The following ATP11B variants were observed in gnomAD, a reference collection of about 807,000 sequenced individuals.
ATP11B encodes the protein ATPase phospholipid transporting 11B (putative).
ATP11B carries 81 observed loss-of-function variants against 157.8 expected under a neutral mutation model. The observed-to-expected ratio is 0.51, with a 90% CI of 0.43 to 0.62. ATP11B has a LOEUF of 0.62. Among genes scored for constraint, ATP11B ranks in the 20% least tolerant of loss-of-function variants. The pLI is 0.00. For missense variants in ATP11B, 1,165 were observed against 1,402.2 expected (o/e 0.83, Z 2.70); for synonymous variants, 451 against 469.4 (o/e 0.96, Z 0.51).
intron 25 of ATP11B, 28 bp downstream of exon 25, chr3:182,889,576 G>T: frequency 6.7e-7 from 1 of 1,499,498 alleles, no homozygotes; most frequent in South Asian, 1.3e-5. Flanking sequence ...TTTAAAGAAT[G>T]CTTGTTAATA....
At chr3:182,822,495 A>G (rs908889865) in intron 2 of ATP11B, among the ~76,000 whole-genome samples, 14 of 152,034 alleles carry the variant, frequency 9.2e-5, no homozygotes, top group African/African-American at 3.1e-4. Context: ...TATGTGCCAC[A>G]TTTTCTTAAT....
chr3:182,884,741 CT>C lies in ATP11B; in HGVS notation c.2510-8del. The C allele has an allele frequency of 1.9e-6, 3 of 1,583,132 alleles. No homozygotes were observed. The highest frequency in any genetic ancestry group is 2.0e-5 in the Admixed American group (1 of 49,930). Reference sequence around the variant, plus strand: ...TTATCAGTGAACATGTCTTTTGTCCCTTTTATTATAGGAATCATGGGTAAAG... The same window carrying C: ...TTATCAGTGAACATGTCTTTTGTCCCTTTATTATAGGAATCATGGGTAAAG... On this transcript the variant is annotated splice_polypyrimidine_tract_variant and intron_variant, in intron 21 of 29. Coordinates refer to ENST00000323116, the MANE Select transcript of ATP11B (RefSeq NM_014616.3).
chr3:182,810,666 A>G (rs1276909972), intron 1 of ATP11B, among the ~76,000 whole-genome samples: 4 of 152,144 alleles, frequency 2.6e-5, no homozygotes, highest in African/African-American at 9.7e-5. Flanking sequence ...TTGTGCTGCT[A>G]CTGTTGAGAA....
rs776978564 is a variant in ATP11B, at chr3:182,886,022, G to T, written c.2715+12G>T. ...TGTTTTCTCAGCAAGTAAGTAAATA[G>T]AAACTTGTGTTTTGTGTTTTGTCCT... On this transcript the variant is annotated intron_variant, in intron 23 of 29. Coordinates refer to ENST00000323116, the MANE Select transcript of ATP11B (RefSeq NM_014616.3). 7.9e-5 allele frequency: 116 copies of T among 1,472,266 alleles called. No individual in the cohort carries two copies. The highest frequency in any genetic ancestry group is 7.1e-4 in the Middle Eastern group (4 of 5,638). 91.2% of individuals were successfully genotyped at this position (1,472,266 alleles called of 1,614,324 possible).
At chr3:182,889,381 T>C in intron 24 of ATP11B, 29 bp from the exon 25 acceptor site, 1 of 1,456,854 alleles carries the variant, frequency 6.9e-7, no homozygotes, top group Non-Finnish European at 9.3e-7. Flanking sequence ...TGATCCCTAA[T>C]ATGTTTCTTT....
At position 182,866,372 on chromosome 3, in the gene ATP11B, C is replaced by G; in HGVS notation, c.1548C>G (p.Asn516Lys). 2 of 1,613,916 alleles carry G rather than the reference C, an allele frequency of 1.2e-6. No individual in the cohort carries two copies. Among genetic ancestry groups the G allele is most frequent in the Non-Finnish European group, 1.7e-6 (2 of 1,179,892 alleles). Residue 516 changes from asparagine (N) to lysine (K), a missense_variant, in exon 14 of 30, where the codon AAC becomes AAG. Asn to Lys is a moderately conservative substitution (Grantham distance 94). Around this residue, in one of 4 missense-constraint regions of ATP11B, gnomAD observed 737 missense variants for 930.5 expected, o/e 0.79. Transcript: ENST00000323116. ...DCTGDGPWQSNLAPSQLEYYA... is the reference protein window; with the variant it reads ...DCTGDGPWQSKLAPSQLEYYA... ...CTGGTGATGGTCCCTGGCAATCCAA[C>G]CTGGCACCATCGCAGTTGGAGTACT... is the stretch of plus-strand genomic sequence containing the variant.
intron 20 of ATP11B, among the ~76,000 whole-genome samples, chr3:182,880,495 A>C (rs973147591): frequency 6.6e-6 from 1 of 152,182 alleles, no homozygotes; most frequent in Non-Finnish European, 1.5e-5. Flanking sequence ...AAATTTTACT[A>C]CAAGAGGAAA....
Position 182,915,537 on chromosome 3 carries a change from A to G in ATP11B, c.3452+1543A>G, listed in dbSNP as rs527344842. ...AAGATAGGAGTTAGACTAAGATACA[A>G]TAGAACCTCTACAGAATTTTTTCAA... On this transcript the variant is annotated intron_variant, in intron 29 of 29. Coordinates refer to ENST00000323116, the MANE Select transcript of ATP11B (RefSeq NM_014616.3). 66 of 983,056 alleles carry G rather than the reference A, an allele frequency of 6.7e-5. No individual in the cohort carries two copies. In the South Asian group the frequency reaches 2.3e-3, roughly 34 times the overall value. 60.9% of individuals were successfully genotyped at this position (983,056 alleles called of 1,614,324 possible).
At chr3:182,869,475 A>G (rs1329013754) in intron 17 of ATP11B, 144 bp downstream of exon 17, 1 of 576,052 alleles carries the variant, frequency 1.7e-6, no homozygotes, top group East Asian at 3.0e-5. Flanking sequence ...TCCTTTTGTG[A>G]AAACTGACTT....
chr3:182,794,055 C>G (rs556285723), intron 1 of ATP11B, among the ~76,000 whole-genome samples: 3 of 152,324 alleles, frequency 2.0e-5, no homozygotes, highest in East Asian at 1.9e-4. Context: ...TACTTCTTCC[C>G]CCTTGCCGCT....
At chr3:182,896,408 A>G (rs557352941) in intron 25 of ATP11B, among the ~76,000 whole-genome samples, 1 of 152,338 alleles carries the variant, frequency 6.6e-6, no homozygotes, top group East Asian at 1.9e-4. Flanking sequence ...AGCAGTCCCT[A>G]ATGACTACAT....
chr3:182,885,816 G>A, intron 22 of ATP11B, 135 bp from the exon 23 acceptor site: 1 of 521,658 alleles, frequency 1.9e-6, no homozygotes, highest in Non-Finnish European at 3.3e-6. Flanking sequence ...GTTATATATG[G>A]ACAAGTCCTT....
At position 182,793,599 on chromosome 3, in the gene ATP11B, G is replaced by A; in HGVS notation, c.-161G>A. On this transcript the variant is annotated 5_prime_UTR_variant, in exon 1 of 30. Transcript: ENST00000323116. Reference sequence around the variant, plus strand: ...CTGTAGGACTCGGGGCCGACGCCGCGGGATGGGGACGCGGCGCGGGGAGTG... The same window carrying A: ...CTGTAGGACTCGGGGCCGACGCCGCAGGATGGGGACGCGGCGCGGGGAGTG... The A allele has an allele frequency of 2.5e-6, 1 of 395,590 alleles. No individual in the cohort carries two copies. Among genetic ancestry groups the A allele is most frequent in the South Asian group, 9.0e-5 (1 of 11,128 alleles). 24.5% of individuals were successfully genotyped at this position (395,590 alleles called of 1,614,324 possible). A position where few individuals can be genotyped will look rare whatever the true frequency, so the allele number is the denominator to read the frequency against.
intron 19 of ATP11B, among the ~76,000 whole-genome samples, chr3:182,874,965 G>T (rs796425841): frequency 2.0e-4 from 30 of 151,902 alleles, no homozygotes; most frequent in African/African-American, 5.8e-4. Flanking sequence ...GAAAACATTT[G>T]CCAACCCCTG....
rs371985139 is a variant in ATP11B at position 182,840,241 on chromosome 3, C to G, written c.657-1834C>G. On this transcript the variant is annotated intron_variant, in intron 7 of 29. Transcript: ENST00000323116. ...GCTAACTTGTCTTCCAGGACACTCC[C>G]CTCTCTTGGTTTACCTCCTACCTCA... 6.2e-4 allele frequency among the ~76,000 whole-genome samples: 95 copies of G among 152,144 alleles called. 1 individual carries two copies. Among genetic ancestry groups the G allele is most frequent in the Admixed American group, 1.2e-3 (19 of 15,276 alleles).
rs1180089878 is a variant in ATP11B, at chr3:182,829,766, T to C, written c.315+14T>C. On this transcript the variant is annotated intron_variant, in intron 4 of 29. Coordinates refer to ENST00000323116, the MANE Select transcript of ATP11B (RefSeq NM_014616.3). ...GCCATAAAGCAGGTATGAAATACTT[T>C]CTTTTTTTAATTTTCCTCTAAGTCA... 1.3e-6 allele frequency: 2 copies of C among 1,566,830 alleles called. No individual in the cohort carries two copies. The highest frequency in any genetic ancestry group is 1.7e-4 in the Middle Eastern group (1 of 5,760).
At position 182,918,026 on chromosome 3, in the gene ATP11B, A is replaced by G. The variant is rs769776925; in HGVS notation, c.3456A>G (p.Ser1152=). The G allele has an allele frequency of 1.2e-6, 2 of 1,613,042 alleles. No individual in the cohort carries two copies. Residue 1152 remains serine, a synonymous_variant, in exon 30 of 30, where the codon TCA becomes TCG. Coordinates refer to ENST00000323116, the MANE Select transcript of ATP11B (RefSeq NM_014616.3). ...TTTTCTCTTATTGTTACTTTAGATC[A>G]TGGAGTGCATCGGATCCTTTCTATA... ...GRCSPTHISR[S]WSASDPFYTN...
At chr3:182,846,377 T>C (rs1396621039) in intron 9 of ATP11B, among the ~76,000 whole-genome samples, 2 of 151,912 alleles carry the variant, frequency 1.3e-5, no homozygotes, top group Non-Finnish European at 2.9e-5. Context: ...CTGATGGGAA[T>C]GTAAAACGTT....
chr3:182,830,322 C>CA (rs5854958), intron 4 of ATP11B, among the ~76,000 whole-genome samples: 6,002 of 99,080 alleles, frequency 0.061, 384 homozygotes, highest in African/African-American at 0.18. Context: ...GATCCTGTCT[C>CA]AAAAAAAAAA....
Sources: gnomAD v4.1 joint callset for allele counts (sites outside exome capture counted in the v4.1 genomes callset) on GRCh38, gnomAD v4.1.1 for gene constraint, gnomAD v4.1.1 regional missense constraint, MANE v1.5 for transcripts, NCBI Gene and HGNC (gene_info 2026-07-23, HGNC 2026-07-21) for gene names.